Variants in HTT observed in about 807,000 individuals in gnomAD.
The protein encoded by HTT is huntington disease protein.
HTT carries 104 observed loss-of-function variants against 362.3 expected under a neutral mutation model. The observed-to-expected ratio is 0.29, with a 90% confidence interval of 0.24 to 0.34. The LOEUF is 0.34. Among genes scored for constraint, HTT ranks in the 10% least tolerant of loss-of-function variants. The pLI, the probability that HTT is intolerant of heterozygous loss-of-function variation, is 1.00. For synonymous variants in HTT, 1,577 were observed against 1,548.7 expected (o/e 1.02, Z -0.43); for missense variants, 3,301 against 3,928.6 (o/e 0.84, Z 4.27).
chr4:3,164,669 A>G (rs752722817), intron 29 of HTT, among the ~76,000 whole-genome samples: 7 of 152,078 alleles, frequency 4.6e-5, no homozygotes, highest in African/African-American at 9.7e-5. Context: ...CTTTACCATT[A>G]TGTAATGGCC....
Position 3,236,813 on chromosome 4 carries a change from C to A in HTT, c.8891+559C>A, listed in dbSNP as rs544941720. On this transcript the variant is annotated intron_variant, in intron 64 of 66. Transcript: ENST00000355072. ...ATAGAATTGGCTTCCCTCACCTGCT[C>A]TGGAAGTGGGTTAGGAGCTTGGTAG... is the stretch of plus-strand genomic sequence containing the variant. Among the ~76,000 whole-genome samples the A allele has an allele frequency of 2.0e-5, 3 of 152,168 alleles. No homozygotes were observed. The South Asian group carries it at 6.2e-4, about 32-fold the overall frequency.
In HTT at chr4:3,235,666, C is replaced by T. The variant is rs781175874; in HGVS notation, c.8673C>T (p.Leu2891=). ...AGCGCCTCCTGCTCTCTGAGCAGCT[C>T]TCCCGCCTGGATGCAGAATCGCTGG... is the stretch of plus-strand genomic sequence containing the variant. The part of the protein sequence containing the change: ...GLERLLLSEQ[L]SRLDAESLVK... The change falls in exon 63 of 67, where the codon CTC becomes CTT. Residue 2891 remains leucine (L), a synonymous_variant. Transcript: ENST00000355072. The T allele has an allele frequency of 6.8e-6, 11 of 1,613,592 alleles. No homozygotes were observed. In the African/African-American group the frequency reaches 1.3e-4, roughly 20 times the overall value.
rs145655090 is a variant in HTT at position 3,166,825 on chromosome 4, T to C, written c.3865-5495T>C. On this transcript the variant is annotated intron_variant, in intron 29 of 66. Transcript: ENST00000355072. The stretch of plus-strand genomic sequence containing the variant: ...CAGTATTTGGGCAGGAGTGTACTGC[T>C]CCTTCAGGTACAGTCACTCATGGCT... Among the ~76,000 whole-genome samples the C allele has an allele frequency of 1.1e-4, 17 of 152,326 alleles. 1 individual carries two copies. The East Asian group carries it at 3.1e-3, about 28-fold the overall frequency.
At chr4:3,092,497 C>G (rs954290298) in intron 2 of HTT, among the ~76,000 whole-genome samples, 33 of 152,300 alleles carry the variant, frequency 2.2e-4, no homozygotes, top group African/African-American at 7.5e-4. Context: ...ATCCTTCTGC[C>G]TCAGCCTTTT....
At chr4:3,123,000 G>A in intron 10 of HTT, 64 bp downstream of exon 10, 6 of 1,301,186 alleles carry the variant, frequency 4.6e-6, no homozygotes, top group Non-Finnish European at 5.5e-6. Flanking sequence ...TTTCTGTAAT[G>A]TAATGTATCT....
intron 50 of HTT, 75 bp from the exon 51 acceptor site, chr4:3,215,035 A>G: frequency 8.1e-7 from 1 of 1,238,682 alleles, no homozygotes; most frequent in Non-Finnish European, 1.2e-6. Flanking sequence ...GAGGCTGCAC[A>G]AATGTAAAAT....
intron 3 of HTT, 96 bp downstream of exon 3, chr4:3,099,490 G>C (rs1714036011): frequency 6.5e-7 from 1 of 1,541,650 alleles, no homozygotes; most frequent in Non-Finnish European, 8.8e-7. Flanking sequence ...TTGAGTCCCT[G>C]AGGATGTCTG....
intron 29 of HTT, among the ~76,000 whole-genome samples, chr4:3,162,297 C>G (rs978102545): frequency 6.6e-6 from 1 of 152,114 alleles, no homozygotes; most frequent in Non-Finnish European, 1.5e-5. Context: ...TGTTTTGGTA[C>G]CAGTACCATG....
In HTT at chr4:3,140,526, T is replaced by A; in HGVS notation, c.2815T>A (p.Phe939Ile). 6.2e-7 allele frequency: 1 copy of A among 1,614,128 alleles called. No individual in the cohort carries two copies. The highest frequency in any genetic ancestry group is 8.5e-7 in the Non-Finnish European group (1 of 1,179,996). ...TTGTGTTAGGCTTGTCCCAAAGCTGTTTTATAAATGTGACCAAGGACAAGC... is the reference window on the plus strand; with the variant it reads ...TTGTGTTAGGCTTGTCCCAAAGCTGATTTATAAATGTGACCAAGGACAAGC... ...ASLIRLVPKL[F>I]YKCDQGQADP... is the part of the protein sequence containing the mutation. The change falls in exon 22 of 67, where the codon TTT (phenylalanine) becomes ATT (isoleucine). Residue 939 changes from phenylalanine to isoleucine, a missense_variant. This residue lies in a region of HTT where 2,316 missense variants were observed against 2,658.5 expected (regional missense o/e 0.87). Transcript: ENST00000355072.
rs1010050706 is a variant in HTT, at chr4:3,209,940, G to A, written c.6405G>A (p.Met2135Ile). Residue 2135 changes from methionine (M) to isoleucine (I), a missense_variant, in exon 47 of 67, where the codon ATG (methionine) becomes ATA (isoleucine). This residue lies in a region of HTT where 2,316 missense variants were observed against 2,658.5 expected (regional missense o/e 0.87). Transcript: ENST00000355072. Reference sequence around the variant, plus strand: ...CTGCTGAAGATATGAATGCCTTCATGATGAACTCGGTACGGGGGGAGCAGT... The same window carrying A: ...CTGCTGAAGATATGAATGCCTTCATAATGAACTCGGTACGGGGGGAGCAGT... Reference protein sequence around the residue: ...RIPAEDMNAFMMNSEFNLSLL... With the variant: ...RIPAEDMNAFIMNSEFNLSLL... 11 of 1,613,968 alleles carry A rather than the reference G, an allele frequency of 6.8e-6. No homozygotes were observed. Among genetic ancestry groups the A allele is most frequent in the Non-Finnish European group, 7.6e-6 (9 of 1,179,904 alleles).
intron 35 of HTT, 107 bp from the exon 36 acceptor site, chr4:3,180,408 G>A: frequency 9.9e-7 from 1 of 1,013,926 alleles, no homozygotes; most frequent in Non-Finnish European, 1.4e-6. Context: ...CCAAGTATGT[G>A]TAAGGGTTTT....
At chr4:3,116,465 G>A (rs761448413) in intron 8 of HTT, among the ~76,000 whole-genome samples, 7 of 152,146 alleles carry the variant, frequency 4.6e-5, no homozygotes, top group South Asian at 2.1e-4. Flanking sequence ...TGCGGGTGAT[G>A]CCTCCTCAGG....
At chr4:3,162,870 A>T (rs1034773805) in intron 29 of HTT, among the ~76,000 whole-genome samples, 1 of 152,208 alleles carries the variant, frequency 6.6e-6, no homozygotes, top group Non-Finnish European at 1.5e-5. Context: ...GTCATCTGCA[A>T]ACAGGGACAG....
chr4:3,178,489 G>C lies in HTT; in HGVS notation c.4612+43G>C, dbSNP rs756478514. ...TCACTGTCGTCTTCGGTGTCGTGAT[G>C]TGCTTGGCAGTGTTCGTTTTCATAT... On this transcript the variant is annotated intron_variant, in intron 35 of 66. Transcript: ENST00000355072. The C allele has an allele frequency of 5.7e-6, 9 of 1,581,976 alleles. No homozygotes were observed. In the South Asian group the frequency reaches 9.1e-5, roughly 16 times the overall value.
intron 14 of HTT, among the ~76,000 whole-genome samples, chr4:3,130,741 A>C (rs980060277): frequency 6.6e-6 from 1 of 152,170 alleles, no homozygotes; most frequent in Admixed American, 6.5e-5. Context: ...TTTTGGTTCT[A>C]CTGAACTGTT....
chr4:3,144,247 G>A (rs1483769733), intron 23 of HTT, among the ~76,000 whole-genome samples: 1 of 152,096 alleles, frequency 6.6e-6, no homozygotes, highest in East Asian at 1.9e-4. Context: ...AAATGAGCAA[G>A]TATAACTTTT....
intron 1 of HTT, among the ~76,000 whole-genome samples, chr4:3,079,452 C>T (rs1269369361): frequency 2.0e-5 from 3 of 151,908 alleles, no homozygotes; most frequent in Admixed American, 1.3e-4. Flanking sequence ...AGACCTCAAG[C>T]GAGTTAAGAG....
At chr4:3,139,034 A>T (rs540856321) in intron 21 of HTT, among the ~76,000 whole-genome samples, 1 of 152,358 alleles carries the variant, frequency 6.6e-6, no homozygotes, top group South Asian at 2.1e-4. Context: ...AAAGAAAACC[A>T]AAGTTACATT....
At chr4:3,187,406 C>T (rs1181180593) in intron 38 of HTT, among the ~76,000 whole-genome samples, 3 of 152,184 alleles carry the variant, frequency 2.0e-5, no homozygotes, top group African/African-American at 7.2e-5. Context: ...CCGCCCGCCT[C>T]GGCCTCCCAA....
Sources: gnomAD v4.1 joint callset for allele counts (sites outside exome capture counted in the v4.1 genomes callset) on GRCh38, gnomAD v4.1.1 for gene constraint, gnomAD v4.1.1 regional missense constraint, MANE v1.5 for transcripts, NCBI Gene and HGNC (gene_info 2026-07-23, HGNC 2026-07-21) for gene names.